STOX2: variants seen among roughly 807,000 people sequenced by gnomAD.
The protein encoded by STOX2 is storkhead box 2.
In STOX2, 28 loss-of-function variants were observed where a neutral mutation model predicts 60.9. That is an observed-to-expected ratio of 0.46 (90% CI 0.34 to 0.63). STOX2 has a LOEUF of 0.63. Among genes scored for constraint, STOX2 ranks in the 30% least tolerant of loss-of-function variants. The pLI is 0.01. For synonymous variants in STOX2, 472 were observed against 463.9 expected (o/e 1.02, Z -0.22); for missense variants, 1,024 against 1,187.7 (o/e 0.86, Z 2.03).
chr4:183,854,852 G>A (rs1006001083), intron 1 of STOX2, among the ~76,000 whole-genome samples: 2 of 152,140 alleles, frequency 1.3e-5, no homozygotes, highest in Admixed American at 1.3e-4. Flanking sequence ...TATAAACAGG[G>A]AATGTTTTTT....
intron 1 of STOX2, among the ~76,000 whole-genome samples, chr4:183,938,244 C>T (rs1052326757): frequency 2.0e-5 from 3 of 152,232 alleles, no homozygotes; most frequent in African/African-American, 7.2e-5. Context: ...GGTTCCTCTA[C>T]TGTAACTGTT....
intron 1 of STOX2, among the ~76,000 whole-genome samples, chr4:183,917,743 TGA>T (rs1741973903): frequency 6.6e-6 from 1 of 152,192 alleles, no homozygotes; most frequent in South Asian, 2.1e-4. Context: ...TCCTTATTTG[TGA>T]GAGTGGCTTC....
chr4:183,969,770 C>T (rs1743684766), intron 1 of STOX2, among the ~76,000 whole-genome samples: 1 of 152,136 alleles, frequency 6.6e-6, no homozygotes. Flanking sequence ...CAGGCACGCA[C>T]CACCACGCCT....
At chr4:183,949,157 T>C (rs1292405459) in intron 1 of STOX2, among the ~76,000 whole-genome samples, 2 of 152,110 alleles carry the variant, frequency 1.3e-5, no homozygotes, top group African/African-American at 4.8e-5. Flanking sequence ...TCACAACCAC[T>C]AATCAAACGA....
intron 1 of STOX2, among the ~76,000 whole-genome samples, chr4:183,923,896 T>C (rs1429072611): frequency 6.6e-6 from 1 of 152,144 alleles, no homozygotes; most frequent in Non-Finnish European, 1.5e-5. Flanking sequence ...CTCCGGAAGG[T>C]AGGAACACTC....
At chr4:183,826,642 G>T (rs967241197) in intron 1 of STOX2, among the ~76,000 whole-genome samples, 5 of 152,234 alleles carry the variant, frequency 3.3e-5, no homozygotes, top group Non-Finnish European at 7.3e-5. Context: ...GCCCTGGCAG[G>T]TCACACCATC....
intron 1 of STOX2, among the ~76,000 whole-genome samples, chr4:183,949,827 C>T (rs987781558): frequency 2.2e-4 from 34 of 151,926 alleles, no homozygotes; most frequent in African/African-American, 4.8e-4. Flanking sequence ...TGGTCTTATC[C>T]GTTTAGACAT....
At chr4:184,014,110 C>CAAAAAAAAAAAAAAAAAAAAAAAAAA (rs10527539) in intron 3 of STOX2, 1 of 138,642 alleles carries the variant, frequency 7.2e-6, no homozygotes, top group African/African-American at 2.7e-5. Flanking sequence ...AAGCCCCAAC[C>CAAAAAAAAAAAAAAAAAAAAAAAAAA]AAAAAAAAAA....
rs1477672816 is a variant in STOX2 at position 183,864,106 on chromosome 4, A to G, written c.364+66051A>G. Among the ~76,000 whole-genome samples the G allele has an allele frequency of 2.0e-5, 3 of 152,100 alleles. No individual in the cohort carries two copies. The East Asian group carries it at 5.8e-4, about 29-fold the overall frequency. The stretch of plus-strand genomic sequence containing the variant: ...ATTGCCTAGAGTTCTGCATTTCCCA[A>G]ACTAGGTTCTCAGAAAAAAAAGTTT... On this transcript the variant is annotated intron_variant, in intron 1 of 2. Coordinates refer to the STOX2 transcript ENST00000513034.
chr4:183,951,442 CTCTT>C (rs1230877737), intron 1 of STOX2, among the ~76,000 whole-genome samples: 3 of 124,742 alleles, frequency 2.4e-5, no homozygotes, highest in Admixed American at 9.2e-5. Flanking sequence ...GTCTCTCTCT[CTCTT>C]TTTTTTTTTT....
intron 1 of STOX2, among the ~76,000 whole-genome samples, chr4:183,837,115 C>T (rs970554655): frequency 6.6e-6 from 1 of 151,788 alleles, no homozygotes; most frequent in African/African-American, 2.4e-5. Flanking sequence ...CTTCTGGGAG[C>T]AGAAATGGGG....
chr4:183,934,356 T>C (rs1207291715), intron 1 of STOX2, among the ~76,000 whole-genome samples: 3 of 152,208 alleles, frequency 2.0e-5, no homozygotes, highest in East Asian at 3.8e-4. Context: ...TTGTATTTAA[T>C]TGAAAAATTT....
chr4:183,954,707 A>G (rs1416736939), intron 1 of STOX2, among the ~76,000 whole-genome samples: 1 of 152,138 alleles, frequency 6.6e-6, no homozygotes, highest in Non-Finnish European at 1.5e-5. Context: ...AAAAATAACA[A>G]TTGCCTGATC....
At chr4:183,816,680 G>T (rs1739161929) in intron 1 of STOX2, among the ~76,000 whole-genome samples, 1 of 152,128 alleles carries the variant, frequency 6.6e-6, no homozygotes, top group Admixed American at 6.5e-5. Context: ...TTTAAATGGT[G>T]AAGTGTATTC....
intron 1 of STOX2, among the ~76,000 whole-genome samples, chr4:183,952,421 T>C (rs190194306): frequency 3.9e-5 from 6 of 152,386 alleles, no homozygotes; most frequent in East Asian, 1.9e-4. Flanking sequence ...GTCGGAAGTA[T>C]ATACAGATCT....
chr4:183,984,877 T>C (rs1035718385), intron 1 of STOX2, among the ~76,000 whole-genome samples: 4 of 152,200 alleles, frequency 2.6e-5, no homozygotes, highest in Non-Finnish European at 5.9e-5. Flanking sequence ...GGACTGCTAA[T>C]GATGGCTGCA....
chr4:183,895,580 C>T (rs779126239), intron 1 of STOX2, among the ~76,000 whole-genome samples: 3 of 152,226 alleles, frequency 2.0e-5, no homozygotes, highest in Non-Finnish European at 2.9e-5. Context: ...TTATATTCGA[C>T]ACAGTTCACT....
chr4:183,818,671 GC>G (rs1213371989), intron 1 of STOX2, among the ~76,000 whole-genome samples: 1 of 151,872 alleles, frequency 6.6e-6, no homozygotes, highest in Non-Finnish European at 1.5e-5. Flanking sequence ...AGAAGGGGCG[GC>G]CGGGCAGAGG....
rs1321323486 is a variant in STOX2, at chr4:184,001,508, G to A, written c.319+31G>A. ...GAGGCGGGAACGTAGCACTTTCCAG[G>A]TGGCGGTGTGCTGTGGTCGCTCTAG... is the stretch of plus-strand genomic sequence containing the variant. On this transcript the variant is annotated intron_variant, in intron 2 of 3. Transcript: ENST00000308497. This position sits in a 1 kb window ranked among gnomAD's most constrained non-coding sequence, Gnocchi z 4.2. 1 of 1,610,600 alleles carries A rather than the reference G, an allele frequency of 6.2e-7. No homozygotes were observed. The highest frequency in any genetic ancestry group is 8.5e-7 in the Non-Finnish European group (1 of 1,178,538).
Sources: gnomAD v4.1 joint callset for allele counts (sites outside exome capture counted in the v4.1 genomes callset) on GRCh38, gnomAD v4.1.1 for gene constraint, Gnocchi (gnomAD v3.1) non-coding constraint, MANE v1.5 for transcripts, NCBI Gene and HGNC (gene_info 2026-07-23, HGNC 2026-07-21) for gene names.